Variants in SPON1 observed in about 807,000 individuals in gnomAD.
SPON1 encodes the protein spondin-1.
In SPON1, 52 loss-of-function variants were observed where a neutral mutation model predicts 111.7. The observed-to-expected ratio is 0.47, with a 90% CI of 0.37 to 0.59. The LOEUF (loss-of-function observed/expected upper bound fraction) is 0.59, where lower values mean the gene tolerates loss of function less well. Ranked by LOEUF, SPON1 falls within the 20% of genes least tolerant of loss-of-function variation. The probability of loss-of-function intolerance (pLI) is 0.00; values close to 1 mark genes in which losing one functional copy is unlikely to be tolerated. For missense variants in SPON1, 957 were observed against 1,068.5 expected (o/e 0.90, Z 1.46); for synonymous variants, 410 against 395.8 (o/e 1.04, Z -0.43).
intron 6 of SPON1, among the ~76,000 whole-genome samples, chr11:14,240,412 C>T (rs1196179290): frequency 1.3e-5 from 2 of 152,184 alleles, no homozygotes; most frequent in Non-Finnish European, 2.9e-5. Flanking sequence ...TGTGTAACCA[C>T]TAGATGAAAA....
intron 6 of SPON1, among the ~76,000 whole-genome samples, chr11:14,199,986 T>C (rs1848444281): frequency 1.3e-5 from 2 of 152,218 alleles, no homozygotes; most frequent in African/African-American, 4.8e-5. Context: ...AAAGAGACCA[T>C]GCCCCATGCG....
chr11:14,227,635 C>T (rs1554938267), intron 6 of SPON1, among the ~76,000 whole-genome samples: 1 of 152,168 alleles, frequency 6.6e-6, no homozygotes, highest in Non-Finnish European at 1.5e-5. Context: ...TTATTGAGCA[C>T]TTAATATGTG....
chr11:14,184,027 A>G (rs1197581788), intron 6 of SPON1, among the ~76,000 whole-genome samples: 1 of 152,224 alleles, frequency 6.6e-6, no homozygotes, highest in Admixed American at 6.5e-5. Context: ...CCAGGCTGAT[A>G]TATGGATCAG....
chr11:14,077,986 G>A (rs1294890444), intron 4 of SPON1, among the ~76,000 whole-genome samples: 2 of 152,166 alleles, frequency 1.3e-5, no homozygotes, highest in Non-Finnish European at 2.9e-5. Flanking sequence ...AGTAGAAATG[G>A]GGAGAGAGGG....
chr11:14,200,787 CCT>C (rs1554935537), intron 6 of SPON1, among the ~76,000 whole-genome samples: 1 of 137,512 alleles, frequency 7.3e-6, no homozygotes, highest in African/African-American at 2.8e-5. Flanking sequence ...TGCACTCCAG[CCT>C]GGGTGACAGA....
intron 6 of SPON1, among the ~76,000 whole-genome samples, chr11:14,148,889 T>C (rs868937110): frequency 1.5e-4 from 23 of 152,196 alleles, no homozygotes; most frequent in African/African-American, 5.6e-4. Flanking sequence ...GCACCTAACA[T>C]AGACTGCATT....
At chr11:14,216,137 T>C (rs1211201104) in intron 6 of SPON1, among the ~76,000 whole-genome samples, 2 of 152,226 alleles carry the variant, frequency 1.3e-5, no homozygotes, top group Non-Finnish European at 2.9e-5. Flanking sequence ...GATCTTTTTC[T>C]CCTCTTAATA....
chr11:14,265,171 C>G (rs1341850184), intron 15 of SPON1, among the ~76,000 whole-genome samples: 1 of 152,178 alleles, frequency 6.6e-6, no homozygotes, highest in Non-Finnish European at 1.5e-5. Flanking sequence ...CACATGGTCT[C>G]TCCAGTGGTC....
chr11:13,988,668 G>A (rs1191418501), intron 2 of SPON1, among the ~76,000 whole-genome samples: 1 of 152,174 alleles, frequency 6.6e-6, no homozygotes, highest in Non-Finnish European at 1.5e-5. Context: ...CATTCAGTAT[G>A]ATATTGGCTG....
chr11:14,028,027 G>T (rs1211746632), intron 2 of SPON1, among the ~76,000 whole-genome samples: 1 of 152,152 alleles, frequency 6.6e-6, no homozygotes, highest in Non-Finnish European at 1.5e-5. Flanking sequence ...AAAAATAAGG[G>T]TACAGTGTGT....
intron 6 of SPON1, among the ~76,000 whole-genome samples, chr11:14,142,786 T>C (rs1302208783): frequency 6.6e-6 from 1 of 152,174 alleles, no homozygotes; most frequent in Non-Finnish European, 1.5e-5. Context: ...TGAAACTAAC[T>C]TAAGAACAAA....
chr11:14,087,282 G>T (rs1554922758), intron 5 of SPON1, among the ~76,000 whole-genome samples: 1 of 152,112 alleles, frequency 6.6e-6, no homozygotes, highest in African/African-American at 2.4e-5. Context: ...GTGGGATTTT[G>T]TGCTTATAAA....
chr11:13,976,274 C>T (rs1177636066), intron 1 of SPON1, among the ~76,000 whole-genome samples: 1 of 152,090 alleles, frequency 6.6e-6, no homozygotes, highest in African/African-American at 2.4e-5. Context: ...TCTTAATAGC[C>T]TCTCAGGGGA....
intron 2 of SPON1, among the ~76,000 whole-genome samples, chr11:14,029,384 T>C (rs576099441): frequency 1.2e-4 from 19 of 152,316 alleles, no homozygotes; most frequent in African/African-American, 3.8e-4. Context: ...GATTATAATA[T>C]ACACTGATAG....
intron 7 of SPON1, among the ~76,000 whole-genome samples, chr11:14,243,603 G>A (rs188204684): frequency 1.6e-3 from 250 of 152,270 alleles, no homozygotes; most frequent in African/African-American, 5.8e-3. Flanking sequence ...TTCCCCCAAT[G>A]GCTTTAATAC....
At chr11:14,188,602 G>C (rs548572776) in intron 6 of SPON1, among the ~76,000 whole-genome samples, 2 of 152,178 alleles carry the variant, frequency 1.3e-5, no homozygotes, top group Non-Finnish European at 2.9e-5. Flanking sequence ...CGGGGACCCA[G>C]GATGTATCTC....
chr11:14,238,813 T>C (rs1244976760), intron 6 of SPON1, among the ~76,000 whole-genome samples: 1 of 152,116 alleles, frequency 6.6e-6, no homozygotes, highest in Non-Finnish European at 1.5e-5. Context: ...TGACCTGTAG[T>C]ATCTTTGGGT....
intron 2 of SPON1, among the ~76,000 whole-genome samples, chr11:14,037,530 A>AAG (rs386373165): frequency 0.12 from 2 of 16 alleles, no homozygotes; most frequent in African/African-American, 0.33. Flanking sequence ...CCACATGTAG[A>AAG]AAAAAAAAAA....
At chr11:14,097,274 A>G (rs782317334) in intron 5 of SPON1, among the ~76,000 whole-genome samples, 2 of 152,236 alleles carry the variant, frequency 1.3e-5, no homozygotes. Context: ...CTTTAATAAT[A>G]GGGAGTGCAT....
Sources: gnomAD v4.1 joint callset for allele counts (sites outside exome capture counted in the v4.1 genomes callset) on GRCh38, gnomAD v4.1.1 for gene constraint, MANE v1.5 for transcripts, NCBI Gene and HGNC (gene_info 2026-07-23, HGNC 2026-07-21) for gene names.